ZNF678: variants seen among roughly 807,000 people sequenced by gnomAD.
The protein encoded by ZNF678 is hypothetical protein MGC42493.
A neutral mutation model predicts 3.0 loss-of-function variants in ZNF678; 5 were observed. The observed-to-expected ratio is 1.69, with a 90% confidence interval of 0.88 to 3.56. The LOEUF is 3.56. Among genes scored for constraint, ZNF678 ranks in the 30% most tolerant of loss-of-function variants. The probability of loss-of-function intolerance (pLI) is 0.00; values close to 1 mark genes in which losing one functional copy is unlikely to be tolerated. For missense variants in ZNF678, 593 were observed against 605.0 expected, an observed-to-expected ratio of 0.98 and a Z score of 0.21; for synonymous variants, 218 against 199.6, an observed-to-expected ratio of 1.09 and a Z score of -0.78.
At chr1:227,676,464 TAA>T (rs1215814981) in intron 5 of ZNF678, among the ~76,000 whole-genome samples, 1 of 152,194 alleles carries the variant, frequency 6.6e-6, no homozygotes, top group Non-Finnish European at 1.5e-5. Flanking sequence ...ATTTCTCAGA[TAA>T]AGTAAACTAT....
At chr1:227,570,872 C>CTA (rs1336581100) in intron 1 of ZNF678, among the ~76,000 whole-genome samples, 2 of 152,136 alleles carry the variant, frequency 1.3e-5, no homozygotes, top group East Asian at 3.9e-4. Flanking sequence ...AGTAGGTACT[C>CTA]TATATATATT....
chr1:227,587,110 A>G (rs1020192274), intron 1 of ZNF678, among the ~76,000 whole-genome samples: 3 of 152,144 alleles, frequency 2.0e-5, no homozygotes, highest in African/African-American at 2.4e-5. Context: ...AGTTTTTGTA[A>G]CACTAGCACT....
rs1054696093 is a variant in ZNF678 at position 227,580,996 on chromosome 1, G to T, written c.-164+17272G>T. Among the ~76,000 whole-genome samples the T allele has an allele frequency of 6.6e-5, 10 of 151,926 alleles. No homozygotes were observed. In the East Asian group the frequency reaches 1.9e-3, roughly 29 times the overall value. ...GCAAGAGTGATACATTTAGAGTATG[G>T]ACTTCTATATAAAGGTCATGTACAA... On this transcript the variant is annotated intron_variant, in intron 1 of 3. Coordinates refer to ENST00000343776, the MANE Select transcript of ZNF678 (RefSeq NM_001367909.1).
intron 1 of ZNF678, among the ~76,000 whole-genome samples, chr1:227,618,055 A>G (rs901661235): frequency 1.3e-5 from 2 of 152,206 alleles, no homozygotes; most frequent in African/African-American, 4.8e-5. Flanking sequence ...GTCTGTCAGC[A>G]GCAGAGAACA....
At chr1:227,663,809 TC>T (rs1462525872), downstream of ZNF678, among the ~76,000 whole-genome samples, 1 of 152,166 alleles carries the variant, frequency 6.6e-6, no homozygotes, top group Admixed American at 6.5e-5. Flanking sequence ...CTAGGACAGA[TC>T]CCAGGGTGTC....
chr1:227,598,728 A>T (rs1657658131), intron 1 of ZNF678: 2 of 526,142 alleles, frequency 3.8e-6, no homozygotes, highest in Non-Finnish European at 7.1e-6. Flanking sequence ...AGATTATGAC[A>T]TGGAGCTTTC....
rs1263359604 is a variant in ZNF678, at chr1:227,643,869, T to C, written c.-163-2675T>C. ...TTTTCTTTTCTTTTCTTTTCTTTTT[T>C]TTTTTTTTTTTTGAGATGGAGTCTC... On this transcript the variant is annotated intron_variant, in intron 1 of 3. Coordinates refer to ENST00000343776, the MANE Select transcript of ZNF678 (RefSeq NM_001367909.1). 1.0e-4 allele frequency among the ~76,000 whole-genome samples: 15 copies of C among 143,606 alleles called. No homozygotes were observed. The South Asian group carries it at 2.0e-3, about 19-fold the overall frequency. 94.2% of individuals were successfully genotyped at this position (143,606 alleles called of 152,430 possible). A position where few individuals can be genotyped will look rare whatever the true frequency, so the allele number is the denominator to read the frequency against.
intron 1 of ZNF678, among the ~76,000 whole-genome samples, chr1:227,621,743 T>C (rs1658285096): frequency 6.6e-6 from 1 of 152,214 alleles, no homozygotes; most frequent in South Asian, 2.1e-4. Context: ...ATGAATGGAC[T>C]TTTGGCCAAG....
At position 227,638,628 on chromosome 1, in the gene ZNF678, G is replaced by T. The variant is rs1163423921; in HGVS notation, c.-163-7916G>T. ...AAGGTGGGAGGTTGGAGGAGTAGAAGAAAGTTAGAAGTACCACAGGGGTCT... is the reference window on the plus strand; with the variant it reads ...AAGGTGGGAGGTTGGAGGAGTAGAATAAAGTTAGAAGTACCACAGGGGTCT... On this transcript the variant is annotated intron_variant, in intron 1 of 3. Coordinates refer to ENST00000343776, the MANE Select transcript of ZNF678 (RefSeq NM_001367909.1). The surrounding 1 kb of genome is among the most constrained non-coding windows in gnomAD (Gnocchi z 4.2). 2.6e-5 allele frequency among the ~76,000 whole-genome samples: 4 copies of T among 152,128 alleles called. No individual in the cohort carries two copies. Among genetic ancestry groups the T allele is most frequent in the Non-Finnish European group, 5.9e-5 (4 of 68,016 alleles).
intron 1 of ZNF678, among the ~76,000 whole-genome samples, chr1:227,632,473 A>G (rs576358194): frequency 6.4e-4 from 97 of 152,256 alleles, no homozygotes; most frequent in East Asian, 1.2e-3. Context: ...TGGCTTTGCC[A>G]TGATCTCGAC....
intron 1 of ZNF678, chr1:227,599,238 A>G (rs1369683240): frequency 1.0e-5 from 7 of 700,064 alleles, no homozygotes; most frequent in Non-Finnish European, 1.7e-5. Context: ...AACAGTATTG[A>G]TCACATTCTA....
intron 1 of ZNF678, among the ~76,000 whole-genome samples, chr1:227,609,077 A>C (rs1291103655): frequency 6.6e-6 from 1 of 152,222 alleles, no homozygotes; most frequent in African/African-American, 2.4e-5. Flanking sequence ...AAAATATTTA[A>C]ATGTATATAA....
intron 1 of ZNF678, among the ~76,000 whole-genome samples, chr1:227,623,244 A>G (rs772761851): frequency 6.6e-6 from 1 of 152,250 alleles, no homozygotes. Context: ...GTAAGTAACT[A>G]TTTAATCAGT....
At chr1:227,671,191 C>G (rs533450611) in intron 5 of ZNF678, among the ~76,000 whole-genome samples, 1 of 150,548 alleles carries the variant, frequency 6.6e-6, no homozygotes, top group South Asian at 2.1e-4. Context: ...ATCCTCTTGC[C>G]TTAGGCTCCC....
intron 5 of ZNF678, among the ~76,000 whole-genome samples, chr1:227,674,441 G>A (rs1659648707): frequency 6.6e-6 from 1 of 151,920 alleles, no homozygotes; most frequent in Non-Finnish European, 1.5e-5. Context: ...GTTGGAAGCT[G>A]GAAAGCAAAT....
intron 1 of ZNF678, among the ~76,000 whole-genome samples, chr1:227,568,412 A>T (rs1236963159): frequency 6.6e-6 from 1 of 152,186 alleles, no homozygotes; most frequent in Non-Finnish European, 1.5e-5. Flanking sequence ...AGGTTAAAAA[A>T]AAAGGGAGCA....
At chr1:227,676,305 A>G (rs1001504280) in intron 5 of ZNF678, among the ~76,000 whole-genome samples, 6 of 152,292 alleles carry the variant, frequency 3.9e-5, no homozygotes, top group African/African-American at 1.2e-4. Context: ...CCCTTAAACT[A>G]GGAGTTACAA....
At chr1:227,571,208 C>T (rs955364829) in intron 1 of ZNF678, among the ~76,000 whole-genome samples, 16 of 152,232 alleles carry the variant, frequency 1.1e-4, no homozygotes, top group Admixed American at 8.5e-4. Context: ...ATTATTGTAG[C>T]ACATTTTCTG....
In ZNF678 at chr1:227,630,579, G is replaced by A. The variant is rs186903430; in HGVS notation, c.-163-15965G>A. Among the ~76,000 whole-genome samples the A allele has an allele frequency of 4.7e-3, 710 of 152,312 alleles. 2 individuals are homozygous for A. Among genetic ancestry groups the A allele is most frequent in the Middle Eastern group, 0.014 (4 of 294 alleles). On this transcript the variant is annotated intron_variant, in intron 1 of 3. Coordinates refer to ENST00000343776, the MANE Select transcript of ZNF678 (RefSeq NM_001367909.1). Reference sequence around the variant, plus strand: ...TTGTAAAACATCAGTATAGCCATCAGGGTTATCTGAGAATTTACCTGGGTC... The same window carrying A: ...TTGTAAAACATCAGTATAGCCATCAAGGTTATCTGAGAATTTACCTGGGTC...
Sources: allele counts gnomAD v4.1 joint callset (sites outside exome capture counted in the v4.1 genomes callset), GRCh38; gene constraint gnomAD v4.1.1; non-coding constraint Gnocchi (gnomAD v3.1); transcripts MANE v1.5; gene names NCBI Gene and HGNC (gene_info 2026-07-23, HGNC 2026-07-21).